Variants in DDX6 observed in about 807,000 individuals in gnomAD.
DDX6 encodes DEAD-box helicase 6.
A neutral mutation model predicts 60.6 loss-of-function variants in DDX6; 7 were observed. The ratio of observed to expected loss-of-function variants is 0.12; its 90% CI spans 0.07 to 0.22. The LOEUF (loss-of-function observed/expected upper bound fraction) is 0.22. Ranked by LOEUF, DDX6 falls within the 10% of genes least tolerant of loss-of-function variation. DDX6 has a pLI of 1.00. For synonymous variants in DDX6, 207 were observed against 201.0 expected (o/e 1.03, Z -0.25); for missense variants, 270 against 589.9 (o/e 0.46, Z 5.62).
At chr11:118,753,542 G>A (rs1860857424) in intron 13 of DDX6, among the ~76,000 whole-genome samples, 1 of 149,454 alleles carries the variant, frequency 6.7e-6, no homozygotes. Flanking sequence ...GTTTCACCAT[G>A]TTGGCCAGGA....
chr11:118,769,312 T>TA lies in DDX6; in HGVS notation c.370-961dup, dbSNP rs1861457899. On this transcript the variant is annotated intron_variant, in intron 4 of 13. Coordinates refer to ENST00000534980, the MANE Select transcript of DDX6 (RefSeq NM_004397.6). The stretch of plus-strand genomic sequence containing the variant: ...ATTTGTCATTTATTTATATAATAAG[T>TA]AAATCTCCAATGTCTGTCCCACAGC... Among the ~76,000 whole-genome samples, 7 of 152,314 alleles carry TA rather than the reference T, an allele frequency of 4.6e-5. No individual in the cohort carries two copies. The South Asian group carries it at 1.4e-3, about 32-fold the overall frequency.
rs185189816 is a variant in DDX6 at position 118,751,660 on chromosome 11, A to G, written c.*445T>C. The G allele has an allele frequency of 2.2e-3, 461 of 212,724 alleles. 2 individuals carry two copies. The highest frequency in any genetic ancestry group is 3.7e-3 in the Non-Finnish European group (378 of 103,298). The allele number at this position is 212,724 out of a possible 1,614,324, so 13.2% of individuals were successfully genotyped here. A position where few individuals can be genotyped will look rare whatever the true frequency, so the allele number is the denominator to read the frequency against. On this transcript the variant is annotated 3_prime_UTR_variant, in exon 14 of 14. Transcript: ENST00000534980. ...TCATAGCATAAGGCACTTCGCACAAATAAGTAATAAGCTCTTCAGGCTTAA... is the reference window on the plus strand; with the variant it reads ...TCATAGCATAAGGCACTTCGCACAAGTAAGTAATAAGCTCTTCAGGCTTAA...
chr11:118,774,067 C>T (rs965457929), intron 4 of DDX6, among the ~76,000 whole-genome samples: 1 of 152,098 alleles, frequency 6.6e-6, no homozygotes. Context: ...GCCAACAGTA[C>T]GGAGCTTCCA....
At chr11:118,752,555 C>T (rs1860811654) in intron 13 of DDX6, among the ~76,000 whole-genome samples, 2 of 151,854 alleles carry the variant, frequency 1.3e-5, no homozygotes, top group Admixed American at 1.3e-4. Context: ...GGCGGATCAC[C>T]TGAGGTCAGG....
At chr11:118,755,628 C>A in intron 11 of DDX6, 125 bp from the exon 12 acceptor site, 1 of 592,812 alleles carries the variant, frequency 1.7e-6, no homozygotes, top group Non-Finnish European at 3.0e-6. Context: ...TGCATTTGCA[C>A]ATTACTGGCA....
At chr11:118,776,579 A>G (rs1054401957) in intron 4 of DDX6, among the ~76,000 whole-genome samples, 1 of 152,184 alleles carries the variant, frequency 6.6e-6, no homozygotes, top group Non-Finnish European at 1.5e-5. Flanking sequence ...TCACGTCTGT[A>G]ATCCCAACAC....
intron 1 of DDX6, chr11:118,789,380 C>CGGTT (rs1214845629): frequency 1.3e-5 from 2 of 152,080 alleles, no homozygotes; most frequent in African/African-American, 2.4e-5. Context: ...TCCCAGCAAC[C>CGGTT]CCGTTACATT....
In DDX6 at chr11:118,786,080, G is replaced by C; in HGVS notation, c.172C>G (p.Gln58Glu). Residue 58 changes from glutamine (Q) to glutamate (E), a missense_variant, in exon 2 of 14, where the codon CAA becomes GAA. By Grantham distance (29) the Gln-to-Glu change is conservative. Transcript: ENST00000534980. ...TNTINNGTQQ[Q>E]AQSMTTTIKP... ...ATAGTGGTGGTCATACTCTGTGCTTGCTGCTGAGTGCCATTATTGATTGTG... is the reference window on the plus strand; with the variant it reads ...ATAGTGGTGGTCATACTCTGTGCTTCCTGCTGAGTGCCATTATTGATTGTG... 2 of 1,613,860 alleles carry C rather than the reference G, an allele frequency of 1.2e-6. No homozygotes were observed. The highest frequency in any genetic ancestry group is 1.7e-6 in the Non-Finnish European group (2 of 1,179,828).
chr11:118,784,174 T>G (rs1861997807), intron 2 of DDX6, among the ~76,000 whole-genome samples: 1 of 151,924 alleles, frequency 6.6e-6, no homozygotes, highest in African/African-American at 2.4e-5. Flanking sequence ...AAACTACAAC[T>G]GAAGTAGTAT....
At chr11:118,783,922 C>G (rs952536657) in intron 2 of DDX6, among the ~76,000 whole-genome samples, 5 of 151,176 alleles carry the variant, frequency 3.3e-5, no homozygotes, top group African/African-American at 1.2e-4. Flanking sequence ...TCCAGACCAG[C>G]CTGGGCAACA....
chr11:118,756,985 ATGAATATGTAC>A (rs1565561346), intron 10 of DDX6, among the ~76,000 whole-genome samples, 175 bp downstream of exon 10: 1 of 152,226 alleles, frequency 6.6e-6, no homozygotes, highest in Non-Finnish European at 1.5e-5. Context: ...CTTGTAAGTT[ATGAATATGTAC>A]TATTATCCCT....
At chr11:118,762,184 A>G (rs6589690) in intron 7 of DDX6, among the ~76,000 whole-genome samples, 138,733 of 151,698 alleles carry the variant, frequency 0.91, 63,638 homozygotes, top group East Asian at 1. Context: ...GCTGAGGCAT[A>G]AGAATCACTT....
At position 118,781,701 on chromosome 11, in the gene DDX6, G is replaced by A. The variant is rs574452605; in HGVS notation, c.201-517C>T. 2.0e-5 allele frequency among the ~76,000 whole-genome samples: 3 copies of A among 152,316 alleles called. No individual in the cohort carries two copies. The South Asian group carries it at 6.2e-4, about 32-fold the overall frequency. ...CCAGCACTTTGGGAGGCCAAGGTGG[G>A]CGGATCACTTGAGGTCAGGAGTTCG... is the stretch of plus-strand genomic sequence containing the variant. On this transcript the variant is annotated intron_variant, in intron 2 of 13. Transcript: ENST00000534980.
chr11:118,764,527 G>A (rs552689890), intron 6 of DDX6, among the ~76,000 whole-genome samples: 2 of 152,092 alleles, frequency 1.3e-5, no homozygotes, highest in South Asian at 2.1e-4. Context: ...ATTTATGGCC[G>A]GGCACGGTGG....
intron 3 of DDX6, 95 bp from the exon 4 acceptor site, chr11:118,779,831 C>G (rs782606404): frequency 3.4e-5 from 31 of 920,302 alleles, no homozygotes; most frequent in Admixed American, 1.6e-4. Flanking sequence ...GAAAATTTAT[C>G]TGGGCCAGGC....
intron 4 of DDX6, among the ~76,000 whole-genome samples, chr11:118,768,833 A>G (rs1010301882): frequency 1.3e-5 from 2 of 151,868 alleles, no homozygotes; most frequent in Non-Finnish European, 2.9e-5. Context: ...ACTAGGCAAC[A>G]TGGAAAAACC....
rs897093085 is a variant in DDX6 at position 118,777,243 on chromosome 11, G to C, written c.369+2389C>G. Among the ~76,000 whole-genome samples the C allele has an allele frequency of 2.2e-4, 12 of 55,620 alleles. No individual in the cohort carries two copies. In the South Asian group the frequency reaches 3.6e-3, roughly 17 times the overall value. 36.5% of individuals were successfully genotyped at this position (55,620 alleles called of 152,430 possible). On this transcript the variant is annotated intron_variant, in intron 4 of 13. Transcript: ENST00000534980. ...ACACTTTCTAGGTCACTCCACACAT[G>C]TTGGCTCAATGAAAAAGTACTCAGT...
At chr11:118,761,985 A>C (rs1472482310) in intron 7 of DDX6, among the ~76,000 whole-genome samples, 3 of 151,970 alleles carry the variant, frequency 2.0e-5, no homozygotes, top group Admixed American at 2.0e-4. Context: ...TACCTAAAAC[A>C]CAAACCAGGC....
chr11:118,779,607 T>A (rs1555164261), intron 4 of DDX6, 25 bp downstream of exon 4: 3 of 1,459,986 alleles, frequency 2.1e-6, no homozygotes, highest in Non-Finnish European at 2.9e-6. Context: ...TAACCTTACA[T>A]ATGTGATAAA....
Sources: allele counts gnomAD v4.1 joint callset (sites outside exome capture counted in the v4.1 genomes callset), GRCh38; gene constraint gnomAD v4.1.1; transcripts MANE v1.5; gene names NCBI Gene and HGNC (gene_info 2026-07-23, HGNC 2026-07-21).